The following HS3ST4 variants were observed in gnomAD, a reference collection of about 807,000 sequenced individuals.
The protein encoded by HS3ST4 is heparan sulfate-glucosamine 3-sulfotransferase 4.
HS3ST4 carries 17 observed loss-of-function variants against 29.2 expected under a neutral mutation model. The observed-to-expected ratio is 0.58, with a 90% CI of 0.40 to 0.87. HS3ST4 has a LOEUF of 0.87. HS3ST4 is among the 40% of genes least tolerant of loss of function. The pLI is 0.00. For synonymous variants in HS3ST4, 314 were observed against 285.7 expected, an observed-to-expected ratio of 1.10 and a Z score of -1.00; for missense variants, 627 against 634.5, an observed-to-expected ratio of 0.99 and a Z score of 0.13.
intron 1 of HS3ST4, among the ~76,000 whole-genome samples, chr16:25,711,475 C>T (rs1026341758): frequency 3.3e-5 from 5 of 152,162 alleles, no homozygotes; most frequent in Non-Finnish European, 5.9e-5. Flanking sequence ...GCTGACCCTG[C>T]TGCTGCCTTG....
chr16:25,704,609 C>T (rs890607846), intron 1 of HS3ST4, among the ~76,000 whole-genome samples: 71 of 152,212 alleles, frequency 4.7e-4, no homozygotes, highest in African/African-American at 1.4e-3. Flanking sequence ...TCCACTGTGC[C>T]TGGCTAATTT....
At chr16:25,858,038 T>G (rs1378127773) in intron 1 of HS3ST4, among the ~76,000 whole-genome samples, 2 of 150,854 alleles carry the variant, frequency 1.3e-5, no homozygotes, top group East Asian at 3.9e-4. Context: ...CTCTTTCTCT[T>G]TCTTCTTTCT....
At chr16:25,724,868 G>T (rs1966521163) in intron 1 of HS3ST4, among the ~76,000 whole-genome samples, 1 of 151,554 alleles carries the variant, frequency 6.6e-6, no homozygotes, top group Admixed American at 6.6e-5. Flanking sequence ...AAAGATATTT[G>T]GTGGCTGAAA....
chr16:26,073,889 G>A (rs931312721), intron 1 of HS3ST4, among the ~76,000 whole-genome samples: 1 of 151,926 alleles, frequency 6.6e-6, no homozygotes, highest in East Asian at 1.9e-4. Context: ...TCTACCTCTC[G>A]GGTTACCACA....
At chr16:25,706,364 G>A (rs1293225772) in intron 1 of HS3ST4, among the ~76,000 whole-genome samples, 1 of 151,888 alleles carries the variant, frequency 6.6e-6, no homozygotes, top group Non-Finnish European at 1.5e-5. Flanking sequence ...TGCCTAACAT[G>A]CTTTCTTTTT....
chr16:26,081,918 C>T (rs1898729902), intron 1 of HS3ST4, among the ~76,000 whole-genome samples: 1 of 151,156 alleles, frequency 6.6e-6, no homozygotes, highest in South Asian at 2.1e-4. Flanking sequence ...GCCTCAGCCT[C>T]CCGAGTAGCT....
At chr16:25,785,189 C>A (rs772097444) in intron 1 of HS3ST4, among the ~76,000 whole-genome samples, 9 of 152,238 alleles carry the variant, frequency 5.9e-5, no homozygotes, top group Non-Finnish European at 1.2e-4. Flanking sequence ...AGTCAAGGCT[C>A]TTGGTCACCC....
chr16:26,102,721 G>A (rs927923396), intron 1 of HS3ST4, among the ~76,000 whole-genome samples: 3 of 152,308 alleles, frequency 2.0e-5, no homozygotes, highest in Non-Finnish European at 4.4e-5. Context: ...GTTCTTTCTT[G>A]AGGATAAGAA....
At chr16:25,780,884 G>A (rs978122640) in intron 1 of HS3ST4, among the ~76,000 whole-genome samples, 28 of 152,126 alleles carry the variant, frequency 1.8e-4, no homozygotes, top group Admixed American at 1.0e-3. Context: ...TTTACTCAGT[G>A]GAGTTGGTCT....
chr16:25,795,065 G>A (rs1031136665), intron 1 of HS3ST4, among the ~76,000 whole-genome samples: 3 of 150,696 alleles, frequency 2.0e-5, no homozygotes, highest in Admixed American at 6.6e-5. Flanking sequence ...TCCGCTTCCC[G>A]GGTTCAAGTG....
chr16:26,082,276 C>T (rs1898733301), intron 1 of HS3ST4, among the ~76,000 whole-genome samples: 1 of 152,160 alleles, frequency 6.6e-6, no homozygotes, highest in Non-Finnish European at 1.5e-5. Flanking sequence ...GCCACACTTC[C>T]CAGGCTGCAG....
intron 1 of HS3ST4, among the ~76,000 whole-genome samples, chr16:25,883,145 ATTTTTTT>A (rs10581302): frequency 0.64 from 91,046 of 142,168 alleles, 28,483 homozygotes; most frequent in Admixed American, 0.69. Flanking sequence ...GGCCCATACG[ATTTTTTT>A]TTTTTTTTTT....
At chr16:26,010,819 T>C (rs780115578) in intron 1 of HS3ST4, among the ~76,000 whole-genome samples, 1 of 152,198 alleles carries the variant, frequency 6.6e-6, no homozygotes, top group Non-Finnish European at 1.5e-5. Flanking sequence ...CGATAACTTA[T>C]TAGAAAAGAA....
At chr16:26,115,659 T>C (rs993201339) in intron 1 of HS3ST4, among the ~76,000 whole-genome samples, 1 of 152,132 alleles carries the variant, frequency 6.6e-6, no homozygotes, top group Non-Finnish European at 1.5e-5. Flanking sequence ...ACTGAGAAGA[T>C]ACCCAGAGAG....
At chr16:25,941,181 T>C (rs12919868) in intron 1 of HS3ST4, among the ~76,000 whole-genome samples, 91,471 of 151,908 alleles carry the variant, frequency 0.6, 27,776 homozygotes, top group African/African-American at 0.63. Context: ...TTTGTTTGTT[T>C]TGAGACGGAG....
chr16:25,987,808 C>A (rs1969078471), intron 1 of HS3ST4, among the ~76,000 whole-genome samples: 1 of 151,986 alleles, frequency 6.6e-6, no homozygotes, highest in Non-Finnish European at 1.5e-5. Context: ...CTTGCTCTGC[C>A]CCCATGGGCT....
chr16:26,091,135 C>T (rs1460168949), intron 1 of HS3ST4, among the ~76,000 whole-genome samples: 1 of 152,162 alleles, frequency 6.6e-6, no homozygotes, highest in Non-Finnish European at 1.5e-5. Flanking sequence ...TGTCAATATG[C>T]AGATATCTGC....
chr16:26,033,423 G>A (rs1969550726), intron 1 of HS3ST4, among the ~76,000 whole-genome samples: 1 of 151,614 alleles, frequency 6.6e-6, no homozygotes. Context: ...GCTGAGGCAG[G>A]AGAATTGCTT....
At chr16:25,697,298 C>T (rs1220503222) in intron 1 of HS3ST4, among the ~76,000 whole-genome samples, 2 of 151,950 alleles carry the variant, frequency 1.3e-5, no homozygotes, top group Admixed American at 6.6e-5. Context: ...ATAAAGACTA[C>T]AAAGAAAAAT....
Sources: allele counts gnomAD v4.1 joint callset (sites outside exome capture counted in the v4.1 genomes callset), GRCh38; gene constraint gnomAD v4.1.1; transcripts MANE v1.5; gene names NCBI Gene and HGNC (gene_info 2026-07-23, HGNC 2026-07-21).